CD177: variants seen among roughly 807,000 people sequenced by gnomAD.
CD177 encodes CD177 molecule, also known as CD177 antigen.
CD177 carries 41 observed loss-of-function variants against 38.1 expected under a neutral mutation model. The ratio of observed to expected loss-of-function variants is 1.07; its 90% CI spans 0.84 to 1.39. The LOEUF (loss-of-function observed/expected upper bound fraction) is 1.39, where lower values mean the gene tolerates loss of function less well. CD177 is among the 40% of genes most tolerant of loss of function. The probability of loss-of-function intolerance (pLI) is 0.00; values close to 1 mark genes in which losing one functional copy is unlikely to be tolerated. For missense variants in CD177, 619 were observed against 523.8 expected, an observed-to-expected ratio of 1.18 and a Z score of -1.77; for synonymous variants, 236 against 216.7, an observed-to-expected ratio of 1.09 and a Z score of -0.78.
rs578247098 is a variant in CD177, at chr19:43,362,450, A to C, written c.*130A>C. 59 of 575,270 alleles carry C rather than the reference A, an allele frequency of 1.0e-4. No individual in the cohort carries two copies. The highest frequency in any genetic ancestry group is 1.4e-4 in the Non-Finnish European group (46 of 322,242). 35.6% of individuals were successfully genotyped at this position (575,270 alleles called of 1,614,324 possible). A position where few individuals can be genotyped will look rare whatever the true frequency, so the allele number is the denominator to read the frequency against. On this transcript the variant is annotated 3_prime_UTR_variant, in exon 9 of 9. Transcript: ENST00000618265. ...TCCATGAATCATCTTCCCCACACACAATCATTCATATCTACTCACCTAACA... is the reference window on the plus strand; with the variant it reads ...TCCATGAATCATCTTCCCCACACACCATCATTCATATCTACTCACCTAACA...
At chr19:43,354,155 GGACCCTGGAGGCCT>G in intron 2 of CD177, 38 bp from the exon 3 acceptor site, 1 of 1,584,742 alleles carries the variant, frequency 6.3e-7, no homozygotes. Flanking sequence ...TCTCCCTCCA[GGACCCTGGAGGCCT>G]GACCTCCATC....
chr19:43,354,134 G>T lies in CD177; in HGVS notation c.194-73G>T, dbSNP rs143548827. On this transcript the variant is annotated intron_variant, in intron 2 of 8. Transcript: ENST00000618265. ...CCTTTCCAGCCTCTCAGCCTACGCC[G>T]TGTAGCAGCGTCTCCCTCCAGGACC... 9.5e-4 allele frequency: 1,485 copies of T among 1,568,252 alleles called. 19 individuals carry two copies. The African/African-American group carries it at 0.018, about 20-fold the overall frequency.
intron 4 of CD177, 23 bp downstream of exon 4, chr19:43,355,806 C>A: frequency 6.2e-7 from 1 of 1,612,672 alleles, no homozygotes; most frequent in Non-Finnish European, 8.5e-7. Flanking sequence ...CATCGGGGTC[C>A]CTGTGGGGAC....
In CD177 at chr19:43,356,095, C is replaced by T; in HGVS notation, c.606C>T (p.Asn202=). The change falls in exon 5 of 9, where the codon AAC becomes AAT. Residue 202 remains asparagine, a synonymous_variant. Transcript: ENST00000618265. ...QEIGPVGMTE[N]CDMKDFLTCH... ...TTGGGCCCGTGGGTATGACTGAGAACTGCGATATGAAAGGTGAGTCCTGCC... is the reference window on the plus strand; with the variant it reads ...TTGGGCCCGTGGGTATGACTGAGAATTGCGATATGAAAGGTGAGTCCTGCC... The T allele has an allele frequency of 6.5e-6, 4 of 618,126 alleles. No homozygotes were observed. Among genetic ancestry groups the T allele is most frequent in the Non-Finnish European group, 1.2e-5 (4 of 342,220 alleles). The allele number at this position is 618,126 out of a possible 1,614,324, so 38.3% of individuals were successfully genotyped here.
chr19:43,362,401 G>C lies in CD177; in HGVS notation c.*81G>C. 1 of 623,442 alleles carries C rather than the reference G, an allele frequency of 1.6e-6. No homozygotes were observed. The highest frequency in any genetic ancestry group is 2.8e-6 in the Non-Finnish European group (1 of 356,228). 38.6% of individuals were successfully genotyped at this position (623,442 alleles called of 1,614,324 possible). A position where few individuals can be genotyped will look rare whatever the true frequency, so the allele number is the denominator to read the frequency against. On this transcript the variant is annotated 3_prime_UTR_variant, in exon 9 of 9. Coordinates refer to ENST00000618265, the MANE Select transcript of CD177 (RefSeq NM_020406.4). ...CTGACCTCATAACCTAATGGCCTTG[G>C]ACACCAGATTCTTTCCCATTCTGTC...
In CD177 at chr19:43,362,113, T is replaced by A. The variant is rs1969978072; in HGVS notation, c.1107T>A (p.Ile369=). 1 of 1,613,634 alleles carries A rather than the reference T, an allele frequency of 6.2e-7. No homozygotes were observed. The highest frequency in any genetic ancestry group is 8.5e-7 in the Non-Finnish European group (1 of 1,179,752). ...GTGGGCTGTCCACCAAAATGAGCAT[T>A]CAGGGCTGCGTGGCCCAACCTTCCA... ...SGGGLSTKMS[I]QGCVAQPSSF... Residue 369 remains isoleucine (I), a synonymous_variant, in exon 9 of 9, where the codon ATT becomes ATA. Transcript: ENST00000618265.
chr19:43,354,385 C>A lies in CD177; in HGVS notation c.372C>A (p.Pro124=), dbSNP rs770424663. The part of the protein sequence containing the change: ...VNSLPLWAPQ[P]PADPGSLRCP... ...CCCTCCCGCTTTGGGCCCCACAGCC[C>A]CCAGCAGGTGCCTGCGGGAGGGTCG... Residue 124 remains proline (P), a synonymous_variant, in exon 3 of 9, where the codon CCC becomes CCA. Coordinates refer to ENST00000618265, the MANE Select transcript of CD177 (RefSeq NM_020406.4). 1.8e-5 allele frequency: 29 copies of A among 1,613,818 alleles called. No homozygotes were observed. The highest frequency in any genetic ancestry group is 2.5e-5 in the Non-Finnish European group (29 of 1,179,852).
chr19:43,363,971 C>A (rs1192375075), downstream of CD177, among the ~76,000 whole-genome samples: 3 of 150,396 alleles, frequency 2.0e-5, no homozygotes, highest in East Asian at 5.9e-4. Flanking sequence ...GCGCCCCCTC[C>A]CTCTACTGGT....
Position 43,353,756 on chromosome 19 carries a change from C to G in CD177, c.42C>G (p.Leu14=). 1 of 1,613,928 alleles carries G rather than the reference C, an allele frequency of 6.2e-7. No homozygotes were observed. The highest frequency in any genetic ancestry group is 1.7e-5 in the Admixed American group (1 of 60,020). ...TGCTGGCCCTCCTGGGGTTCATCCTCCCACTGCCAGGTGAGTGATGAGCCC... is the reference window on the plus strand; with the variant it reads ...TGCTGGCCCTCCTGGGGTTCATCCTGCCACTGCCAGGTGAGTGATGAGCCC... The part of the protein sequence containing the change: ...VLLLALLGFI[L]PLPGVQALLC... Residue 14 remains leucine (L), a synonymous_variant, in exon 1 of 9, where the codon CTC becomes CTG. Transcript: ENST00000618265.
Position 43,362,307 on chromosome 19 carries a change from G to C in CD177, c.1301G>C (p.Cys434Ser), listed in dbSNP as rs753352109. ...CCAGCGCTGTGGTGGGGAGTGGTTT[G>C]CCCTTCCTGCTAACTCTATTACCCC... Reference protein sequence around the residue: ...LAPALWWGVVCPSC With the variant: ...LAPALWWGVVSPSC Residue 434 changes from cysteine to serine, a missense_variant, in exon 9 of 9, where the codon TGC becomes TCC. Transcript: ENST00000618265. 2.0e-6 allele frequency: 3 copies of C among 1,521,582 alleles called. No individual in the cohort carries two copies. Among genetic ancestry groups the C allele is most frequent in the East Asian group, 2.3e-5 (1 of 44,080 alleles). 94.3% of individuals were successfully genotyped at this position (1,521,582 alleles called of 1,614,324 possible). A position where few individuals can be genotyped will look rare whatever the true frequency, so the allele number is the denominator to read the frequency against.
At chr19:43,365,847 T>C (rs576853311), downstream of CD177, among the ~76,000 whole-genome samples, 6 of 144,170 alleles carry the variant, frequency 4.2e-5, no homozygotes, top group East Asian at 1.2e-3. Flanking sequence ...GGAGCCTGAG[T>C]CACTTGCTGG....
intron 3 of CD177, 34 bp downstream of exon 3, chr19:43,354,426 G>GA: frequency 6.2e-7 from 1 of 1,608,280 alleles, no homozygotes; most frequent in Non-Finnish European, 8.5e-7. Flanking sequence ...AGAGGGAGGG[G>GA]CTGCTAGAAG....
chr19:43,362,177 T>A lies in CD177; in HGVS notation c.1171T>A (p.Ser391Thr), dbSNP rs528133050. The change falls in exon 9 of 9, where the codon TCT becomes ACT. Residue 391 changes from serine (S) to threonine (T), a missense_variant. Physicochemically the swap from Ser to Thr is moderately conservative, Grantham distance 58 (BLOSUM62 1). Coordinates refer to ENST00000618265, the MANE Select transcript of CD177 (RefSeq NM_020406.4). ...LNHTRQIGIF[S>T]AREKRDVQPP... is the part of the protein sequence containing the mutation. ...CCACACCAGACAAATCGGGATCTTC[T>A]CTGCGCGTGAGAAGCGTGATGTGCA... The A allele has an allele frequency of 3.3e-5, 54 of 1,613,606 alleles. No individual in the cohort carries two copies. In the South Asian group the frequency reaches 5.5e-4, roughly 16 times the overall value.
In CD177 at chr19:43,353,764, C is replaced by T. The variant is rs752240376; in HGVS notation, c.50C>T (p.Pro17Leu). The T allele has an allele frequency of 1.9e-6, 3 of 1,613,920 alleles. No individual in the cohort carries two copies. The highest frequency in any genetic ancestry group is 1.7e-6 in the Non-Finnish European group (2 of 1,179,846). The change falls in exon 1 of 9, where the codon CCA becomes CTA. Residue 17 changes from proline (P) to leucine (L), a missense_variant and splice_region_variant. By Grantham distance (98) the Pro-to-Leu change is moderately conservative (BLOSUM62 -3). Coordinates refer to ENST00000618265, the MANE Select transcript of CD177 (RefSeq NM_020406.4). Reference sequence around the variant, plus strand: ...CTCCTGGGGTTCATCCTCCCACTGCCAGGTGAGTGATGAGCCCAGCCTGGA... The same window carrying T: ...CTCCTGGGGTTCATCCTCCCACTGCTAGGTGAGTGATGAGCCCAGCCTGGA... ...LALLGFILPL[P>L]GVQALLCQFG...
downstream of CD177, among the ~76,000 whole-genome samples, chr19:43,366,051 C>T (rs2122262568): frequency 6.6e-6 from 1 of 152,300 alleles, no homozygotes; most frequent in Admixed American, 6.5e-5. Flanking sequence ...CGCGGAATTT[C>T]TCTAGAACCT....
At position 43,362,288 on chromosome 19, in the gene CD177, C is replaced by A. The variant is rs1468198577; in HGVS notation, c.1282C>A (p.Leu428Met). 3.8e-6 allele frequency: 6 copies of A among 1,584,778 alleles called. No individual in the cohort carries two copies. Among genetic ancestry groups the A allele is most frequent in the Non-Finnish European group, 5.2e-6 (6 of 1,155,788 alleles). Residue 428 changes from leucine to methionine, a missense_variant, in exon 9 of 9, where the codon CTG (leucine) becomes ATG (methionine). Leu to Met is a conservative substitution (Grantham distance 15, BLOSUM62 2). Coordinates refer to ENST00000618265, the MANE Select transcript of CD177 (RefSeq NM_020406.4). ...GGTGGGGCTGGCACTGGCCCCAGCG[C>A]TGTGGTGGGGAGTGGTTTGCCCTTC... ...WGVGLALAPA[L>M]WWGVVCPSC is the part of the protein sequence containing the mutation.
intron 3 of CD177, chr19:43,355,380 G>A (rs1969912434): frequency 2.2e-5 from 9 of 416,032 alleles, no homozygotes; most frequent in South Asian, 1.4e-4. Flanking sequence ...CCAAAGTGCT[G>A]GGATTACAGG....
At position 43,354,467 on chromosome 19, in the gene CD177, G is replaced by T. The variant is rs761596118; in HGVS notation, c.379+75G>T. The T allele has an allele frequency of 2.0e-6, 3 of 1,492,338 alleles. No homozygotes were observed. In the Admixed American group the frequency reaches 5.1e-5, roughly 25 times the overall value. The allele number at this position is 1,492,338 out of a possible 1,614,324, so 92.4% of individuals were successfully genotyped here. A position where few individuals can be genotyped will look rare whatever the true frequency, so the allele number is the denominator to read the frequency against. Reference sequence around the variant, plus strand: ...CCGCTGAGCACAGAGGGGCTGTTACGGAGTCCCTCCCACCCTCGCTCGCTA... The same window carrying T: ...CCGCTGAGCACAGAGGGGCTGTTACTGAGTCCCTCCCACCCTCGCTCGCTA... On this transcript the variant is annotated intron_variant, in intron 3 of 8. Coordinates refer to ENST00000618265, the MANE Select transcript of CD177 (RefSeq NM_020406.4).
chr19:43,363,431 G>C (rs1431324093), downstream of CD177, among the ~76,000 whole-genome samples: 1 of 152,186 alleles, frequency 6.6e-6, no homozygotes, highest in African/African-American at 2.4e-5. Context: ...GCTGGAGAGA[G>C]AGCCGGAGAC....
Sources: allele counts gnomAD v4.1 joint callset (sites outside exome capture counted in the v4.1 genomes callset), GRCh38; gene constraint gnomAD v4.1.1; transcripts MANE v1.5; gene names NCBI Gene and HGNC (gene_info 2026-07-23, HGNC 2026-07-21).